Variants in TMC7 observed in about 807,000 individuals in gnomAD.
TMC7 encodes the protein transmembrane channel-like protein 7.
TMC7 carries 54 observed loss-of-function variants against 82.9 expected under a neutral mutation model. That is an observed-to-expected ratio of 0.65 (90% CI 0.52 to 0.82). The LOEUF is 0.82. Ranked by LOEUF, TMC7 falls within the 40% of genes least tolerant of loss-of-function variation. TMC7 has a pLI of 0.00. For missense variants in TMC7, 820 were observed against 901.2 expected, an observed-to-expected ratio of 0.91 and a Z score of 1.15; for synonymous variants, 350 against 337.9, an observed-to-expected ratio of 1.04 and a Z score of -0.39.
chr16:19,032,860 C>A (rs186047191), intron 6 of TMC7, among the ~76,000 whole-genome samples: 398 of 152,274 alleles, frequency 2.6e-3, no homozygotes, highest in Non-Finnish European at 3.9e-3. Context: ...AACTTCTGAC[C>A]TTGTGATCCA....
At position 19,021,684 on chromosome 16, in the gene TMC7, G is replaced by C. The variant is rs141342275; in HGVS notation, c.516G>C (p.Leu172Phe). 5 of 1,613,960 alleles carry C rather than the reference G, an allele frequency of 3.1e-6. No individual in the cohort carries two copies. In the South Asian group the frequency reaches 5.5e-5, roughly 18 times the overall value. Residue 172 changes from leucine to phenylalanine, a missense_variant, in exon 4 of 16, where the codon TTG becomes TTC. This residue lies in a region of TMC7 where 650 missense variants were observed against 669.9 expected (regional missense o/e 0.97). Coordinates refer to ENST00000304381, the MANE Select transcript of TMC7 (RefSeq NM_024847.4). ...TCTCCTTCTTGAGATTCCTGGTGTTGCTGAATTTGGTGATATTTCTGATCA... is the reference window on the plus strand; with the variant it reads ...TCTCCTTCTTGAGATTCCTGGTGTTCCTGAATTTGGTGATATTTCTGATCA... Reference protein sequence around the residue: ...SYFSFLRFLVLLNLVIFLIIF... With the variant: ...SYFSFLRFLVFLNLVIFLIIF...
intron 13 of TMC7, among the ~76,000 whole-genome samples, chr16:19,053,564 C>T (rs989524421): frequency 5.3e-5 from 8 of 152,032 alleles, no homozygotes; most frequent in East Asian, 1.9e-4. Flanking sequence ...CCACCATGCC[C>T]GGCTAATTTT....
intron 12 of TMC7, 119 bp from the exon 13 acceptor site, chr16:19,051,565 GAC>G: frequency 8.6e-7 from 1 of 1,165,516 alleles, no homozygotes. Context: ...TGTATTGCTG[GAC>G]TACCCTCTGG....
intron 1 of TMC7, among the ~76,000 whole-genome samples, chr16:19,005,642 C>G (rs967111531): frequency 7.9e-5 from 12 of 152,206 alleles, no homozygotes; most frequent in African/African-American, 1.7e-4. Flanking sequence ...GCCCCTGACC[C>G]CACAGCTGTT....
rs746590223 is a variant in TMC7 at position 19,061,979 on chromosome 16, G to T, written c.*136G>T. 1.8e-5 allele frequency: 11 copies of T among 621,140 alleles called. No homozygotes were observed. The highest frequency in any genetic ancestry group is 2.3e-5 in the Non-Finnish European group (9 of 384,192). 38.5% of individuals were successfully genotyped at this position (621,140 alleles called of 1,614,324 possible). ...TTCTTGAGTTTAGGCTTTTCCATATGTGCAGCTGTGTTTACCTAACCCAGC... is the reference window on the plus strand; with the variant it reads ...TTCTTGAGTTTAGGCTTTTCCATATTTGCAGCTGTGTTTACCTAACCCAGC... On this transcript the variant is annotated 3_prime_UTR_variant, in exon 16 of 16. Transcript: ENST00000304381.
At chr16:19,029,567 ATC>A (rs1312744189) in intron 5 of TMC7, among the ~76,000 whole-genome samples, 1 of 151,334 alleles carries the variant, frequency 6.6e-6, no homozygotes, top group African/African-American at 2.4e-5. Flanking sequence ...AGAGATAGGG[ATC>A]TCTCTGTGTT....
At chr16:18,994,818 T>C (rs563013522) in intron 1 of TMC7, among the ~76,000 whole-genome samples, 50 of 152,326 alleles carry the variant, frequency 3.3e-4, no homozygotes, top group Non-Finnish European at 1.8e-4. Context: ...TAAAAGGCCA[T>C]GCTGTAACAG....
chr16:19,011,506 A>AAAATAAAT (rs58092157), intron 2 of TMC7, among the ~76,000 whole-genome samples: 27,385 of 137,562 alleles, frequency 0.2, 2,787 homozygotes, highest in Admixed American at 0.24. Context: ...CTGTCTTTAC[A>AAAATAAAT]AAATAAATAA....
In TMC7 at chr16:19,049,315, C is replaced by T. The variant is rs1019299189; in HGVS notation, c.1740+2066C>T. 5.3e-5 allele frequency among the ~76,000 whole-genome samples: 8 copies of T among 152,272 alleles called. No homozygotes were observed. In the South Asian group the frequency reaches 6.2e-4, roughly 12 times the overall value. On this transcript the variant is annotated intron_variant, in intron 12 of 15. Coordinates refer to ENST00000304381, the MANE Select transcript of TMC7 (RefSeq NM_024847.4). ...CTGGGATTACAGGTGTGAGCCACTG[C>T]GCCCGGCCAAAGTGTCATATTTTAT... is the stretch of plus-strand genomic sequence containing the variant.
chr16:19,012,730 A>C (rs1959433333), intron 2 of TMC7, among the ~76,000 whole-genome samples: 6 of 115,392 alleles, frequency 5.2e-5, no homozygotes. Context: ...CGGAGGTTGC[A>C]GTGAGCCAAA....
chr16:18,998,990 C>T (rs914364118), intron 1 of TMC7, among the ~76,000 whole-genome samples: 5 of 152,166 alleles, frequency 3.3e-5, no homozygotes, highest in African/African-American at 1.2e-4. Context: ...CCTCTGGCTC[C>T]TCCCCTCTCA....
chr16:18,990,319 A>G (rs531153357), intron 1 of TMC7, among the ~76,000 whole-genome samples: 128 of 152,256 alleles, frequency 8.4e-4, no homozygotes, highest in South Asian at 1.9e-3. Flanking sequence ...AGGGGATGCA[A>G]TGGCCTGGCT....
intron 5 of TMC7, among the ~76,000 whole-genome samples, chr16:19,029,592 C>T (rs1313593359): frequency 6.6e-6 from 1 of 151,468 alleles, no homozygotes; most frequent in Non-Finnish European, 1.5e-5. Flanking sequence ...CCAGGCTTGT[C>T]TGAAACTCCT....
At chr16:18,986,705 C>G (rs1245297709) in intron 1 of TMC7, among the ~76,000 whole-genome samples, 2 of 152,200 alleles carry the variant, frequency 1.3e-5, no homozygotes, top group African/African-American at 4.8e-5. Flanking sequence ...CTATCCTGCT[C>G]TAGCTGCACT....
At chr16:19,010,912 A>G (rs1959297033) in intron 2 of TMC7, among the ~76,000 whole-genome samples, 1 of 152,172 alleles carries the variant, frequency 6.6e-6, no homozygotes, top group South Asian at 2.1e-4. Flanking sequence ...GGAAGCCTGC[A>G]GAACCTCTTG....
chr16:19,059,837 C>T (rs1422540831), intron 15 of TMC7: 3 of 621,640 alleles, frequency 4.8e-6, no homozygotes, highest in African/African-American at 1.9e-5. Context: ...AGTAGTTGGG[C>T]GTGGTGGTGG....
intron 14 of TMC7, among the ~76,000 whole-genome samples, chr16:19,058,933 A>G (rs1345484382): frequency 1.3e-5 from 2 of 152,036 alleles, no homozygotes; most frequent in Admixed American, 1.3e-4. Context: ...GCTGGAGTGC[A>G]GTGATGCGAT....
At chr16:19,030,508 A>G in intron 6 of TMC7, 139 bp downstream of exon 6, 1 of 936,876 alleles carries the variant, frequency 1.1e-6, no homozygotes, top group Admixed American at 3.3e-5. Flanking sequence ...TTGTGAGTCC[A>G]TTGGCAGCTG....
chr16:19,010,906 G>A (rs1052089327), intron 2 of TMC7, among the ~76,000 whole-genome samples: 4 of 152,168 alleles, frequency 2.6e-5, no homozygotes, highest in Admixed American at 6.6e-5. Context: ...AGGATCGGAA[G>A]CCTGCAGAAC....
Sources: allele counts gnomAD v4.1 joint callset (sites outside exome capture counted in the v4.1 genomes callset), GRCh38; gene constraint gnomAD v4.1.1; regional missense constraint gnomAD v4.1.1; transcripts MANE v1.5; gene names NCBI Gene and HGNC (gene_info 2026-07-23, HGNC 2026-07-21).